The following DNAH9 variants were observed in gnomAD, a reference collection of about 807,000 sequenced individuals.
DNAH9 encodes dynein axonemal heavy chain 9, also known as DNAH9 variant protein.
DNAH9 carries 345 observed loss-of-function variants against 471.6 expected under a neutral mutation model. The observed-to-expected ratio is 0.73, with a 90% CI of 0.67 to 0.80. The LOEUF (loss-of-function observed/expected upper bound fraction) is 0.80, where lower values mean the gene tolerates loss of function less well. Ranked by LOEUF, DNAH9 falls within the 30% of genes least tolerant of loss-of-function variation. The probability of loss-of-function intolerance (pLI) is 0.00; values close to 1 mark genes in which losing one functional copy is unlikely to be tolerated. For missense variants in DNAH9, 5,407 were observed against 5,609.2 expected (o/e 0.96, Z 1.15); for synonymous variants, 2,093 against 2,123.6 (o/e 0.99, Z 0.40).
intron 49 of DNAH9, among the ~76,000 whole-genome samples, chr17:11,836,452 G>C (rs1434047964): frequency 6.6e-6 from 1 of 152,134 alleles, no homozygotes; most frequent in East Asian, 1.9e-4. Context: ...GTTCTTAAAT[G>C]AGCCTCTACT....
intron 48 of DNAH9, among the ~76,000 whole-genome samples, chr17:11,823,755 C>T (rs2150942914): frequency 6.6e-6 from 1 of 152,130 alleles, no homozygotes; most frequent in Non-Finnish European, 1.5e-5. Context: ...CATGGTGAAA[C>T]TCCATCTCTA....
chr17:11,917,379 A>C (rs1176636766), intron 61 of DNAH9, among the ~76,000 whole-genome samples: 2 of 151,670 alleles, frequency 1.3e-5, no homozygotes, highest in Non-Finnish European at 2.9e-5. Context: ...CTGGTCTGGG[A>C]CTCCTGACCT....
At chr17:11,710,657 G>A (rs1051356719) in intron 26 of DNAH9, among the ~76,000 whole-genome samples, 2 of 152,030 alleles carry the variant, frequency 1.3e-5, no homozygotes, top group African/African-American at 2.4e-5. Context: ...GTTATTGCCC[G>A]TTTTTCTCTG....
At chr17:11,845,082 G>A (rs1368838553) in intron 49 of DNAH9, among the ~76,000 whole-genome samples, 2 of 150,716 alleles carry the variant, frequency 1.3e-5, no homozygotes, top group African/African-American at 2.5e-5. Flanking sequence ...GTATACATGT[G>A]CCATGCTGGT....
In DNAH9 at chr17:11,834,647, C is replaced by T. The variant is rs757627474; in HGVS notation, c.9256C>T (p.Leu3086=). The T allele has an allele frequency of 1.2e-6, 2 of 1,614,016 alleles. No homozygotes were observed. Among genetic ancestry groups the T allele is most frequent in the Admixed American group, 1.7e-5 (1 of 60,008 alleles). Residue 3086 remains leucine, a synonymous_variant, in exon 49 of 69, where the codon CTG becomes TTG. Transcript: ENST00000262442. ...LHSTSAQVDD[L]KAKLAAQEVE... is the part of the protein sequence containing the mutation. ...TGCTTCTCCAATGCAGGTGGATGAT[C>T]TGAAAGCAAAGCTGGCTGCCCAGGA...
intron 68 of DNAH9, among the ~76,000 whole-genome samples, chr17:11,967,440 C>T (rs1252431707): frequency 2.0e-5 from 3 of 151,950 alleles, no homozygotes; most frequent in East Asian, 1.9e-4. Flanking sequence ...AAGGCAACCA[C>T]TAATAATTTA....
At chr17:11,766,447 C>A (rs1026368535) in intron 36 of DNAH9, among the ~76,000 whole-genome samples, 9 of 152,154 alleles carry the variant, frequency 5.9e-5, no homozygotes, top group African/African-American at 1.9e-4. Context: ...ATAAAACCCC[C>A]ACTTTATAAA....
chr17:11,792,364 A>G lies in DNAH9; in HGVS notation c.8062-1139A>G, dbSNP rs987543319. Among the ~76,000 whole-genome samples the G allele has an allele frequency of 5.9e-5, 9 of 152,352 alleles. No homozygotes were observed. In the East Asian group the frequency reaches 1.5e-3, roughly 26 times the overall value. ...TGTTAATGGATCTGCACATTATTCTATGAATTTAAGTAAAGACCCATTAAA... is the reference window on the plus strand; with the variant it reads ...TGTTAATGGATCTGCACATTATTCTGTGAATTTAAGTAAAGACCCATTAAA... On this transcript the variant is annotated intron_variant, in intron 41 of 68. Transcript: ENST00000262442.
At chr17:11,655,195 C>T (rs754391320) in intron 14 of DNAH9, among the ~76,000 whole-genome samples, 33 of 152,022 alleles carry the variant, frequency 2.2e-4, no homozygotes, top group Non-Finnish European at 4.0e-4. Context: ...TATGCCTTTG[C>T]CTCCTCATAG....
intron 62 of DNAH9, 151 bp from the exon 63 acceptor site, chr17:11,929,715 G>C: frequency 1.5e-6 from 1 of 649,778 alleles, no homozygotes; most frequent in East Asian, 2.8e-5. Flanking sequence ...GGTTTCAGAT[G>C]GTAAATTTTC....
intron 61 of DNAH9, among the ~76,000 whole-genome samples, chr17:11,913,619 A>G (rs933182719): frequency 4.6e-5 from 7 of 151,948 alleles, no homozygotes; most frequent in Non-Finnish European, 8.8e-5. Flanking sequence ...CATCTCTACT[A>G]AAAATACAAA....
chr17:11,617,573 G>A lies in DNAH9; in HGVS notation c.1067G>A (p.Gly356Glu), dbSNP rs756842427. 1 of 1,614,130 alleles carries A rather than the reference G, an allele frequency of 6.2e-7. No individual in the cohort carries two copies. The highest frequency in any genetic ancestry group is 8.5e-7 in the Non-Finnish European group (1 of 1,180,028). Residue 356 changes from glycine to glutamate, a missense_variant, in exon 5 of 69, where the codon GGA (glycine) becomes GAA (glutamate). Physicochemically the swap from Gly to Glu is moderately conservative, Grantham distance 98. This residue lies in a region of DNAH9 where 767 missense variants were observed against 692.5 expected (regional missense o/e 1.11). Coordinates refer to ENST00000262442, the MANE Select transcript of DNAH9 (RefSeq NM_001372.4). ...WATCKSYRSPGRLTVLLQEIC... is the reference protein window; with the variant it reads ...WATCKSYRSPERLTVLLQEIC... ...ACATGCAAGTCCTACCGCTCCCCGG[G>A]AAGGCTGACTGTGCTGCTCCAGGAG...
At chr17:11,794,388 T>G (rs1969172938) in intron 42 of DNAH9, among the ~76,000 whole-genome samples, 1 of 152,184 alleles carries the variant, frequency 6.6e-6, no homozygotes, top group Non-Finnish European at 1.5e-5. Context: ...TTGGAACATT[T>G]GAAATAATTT....
Position 11,871,767 on chromosome 17 carries a change from C to T in DNAH9, c.10223C>T (p.Pro3408Leu), listed in dbSNP as rs1972273241. ...RQSLLDRTWR[P>L]YLSQLKTPIP... is the part of the protein sequence containing the mutation. ...AGCCTCCTGGACAGAACTTGGAGGC[C>T]CTACCTGAGCCAGCTGAAAGTACGT... The change falls in exon 52 of 69, where the codon CCC becomes CTC. Residue 3408 changes from proline to leucine, a missense_variant. This residue lies in a region of DNAH9 where 4,636 missense variants were observed against 4,900.3 expected (regional missense o/e 0.95). Coordinates refer to ENST00000262442, the MANE Select transcript of DNAH9 (RefSeq NM_001372.4). The T allele has an allele frequency of 6.2e-7, 1 of 1,614,036 alleles. No individual in the cohort carries two copies. Among genetic ancestry groups the T allele is most frequent in the African/African-American group, 1.3e-5 (1 of 75,024 alleles).
intron 10 of DNAH9, 106 bp downstream of exon 10, chr17:11,640,490 A>G: frequency 3.7e-6 from 3 of 803,098 alleles, no homozygotes. Context: ...CCAGAAAATC[A>G]TCTTCCTTTC....
At chr17:11,854,779 A>G (rs114991080) in intron 50 of DNAH9, among the ~76,000 whole-genome samples, 1,639 of 152,260 alleles carry the variant, frequency 0.011, 34 homozygotes, top group African/African-American at 0.037. Context: ...GTTCTAGCCA[A>G]CTATCTGCCT....
intron 63 of DNAH9, among the ~76,000 whole-genome samples, chr17:11,930,733 C>T (rs1206212093): frequency 1.4e-5 from 2 of 145,926 alleles, no homozygotes; most frequent in South Asian, 2.1e-4. Context: ...CCACTGCACT[C>T]CAGCCTGGGC....
intron 67 of DNAH9, among the ~76,000 whole-genome samples, chr17:11,951,071 A>G (rs537700683): frequency 1.3e-5 from 2 of 152,286 alleles, no homozygotes; most frequent in African/African-American, 4.8e-5. Context: ...ATCTTTCCAT[A>G]GATGCACCCA....
intron 55 of DNAH9, chr17:11,882,987 T>C: frequency 2.0e-6 from 2 of 985,520 alleles, no homozygotes; most frequent in Non-Finnish European, 2.4e-6. Flanking sequence ...CCAAAGGCTG[T>C]ACAAGGGCAA....
Sources: gnomAD v4.1 joint callset for allele counts (sites outside exome capture counted in the v4.1 genomes callset) on GRCh38, gnomAD v4.1.1 for gene constraint, gnomAD v4.1.1 regional missense constraint, MANE v1.5 for transcripts, NCBI Gene and HGNC (gene_info 2026-07-23, HGNC 2026-07-21) for gene names.